Variants in SBK1 observed in about 807,000 individuals in gnomAD.
SBK1 encodes the protein SH3 domain binding kinase 1.
SBK1 carries 11 observed loss-of-function variants against 24.4 expected under a neutral mutation model. The ratio of observed to expected loss-of-function variants is 0.45; its 90% confidence interval spans 0.28 to 0.75. The LOEUF (loss-of-function observed/expected upper bound fraction) is 0.75. Among genes scored for constraint, SBK1 ranks in the 30% least tolerant of loss-of-function variants. The pLI, the probability that SBK1 is intolerant of heterozygous loss-of-function variation, is 0.12. For missense variants in SBK1, 467 were observed against 620.5 expected, an observed-to-expected ratio of 0.75 and a Z score of 2.63; for synonymous variants, 308 against 284.4, an observed-to-expected ratio of 1.08 and a Z score of -0.83.
At chr16:28,277,905 G>A (rs557712716) in intron 1 of SBK1, among the ~76,000 whole-genome samples, 1 of 152,362 alleles carries the variant, frequency 6.6e-6, no homozygotes, top group East Asian at 1.9e-4. Flanking sequence ...GGACCGGCCG[G>A]CAAGCGGCGG....
rs543694456 is a variant in SBK1 at position 28,268,750 on chromosome 16, G to A, written c.257+9248G>A. On this transcript the variant is annotated intron_variant, in intron 1 of 3. Coordinates refer to the SBK1 transcript ENST00000671413. ...TGCACTCCAGTCTGGGTGACAGAGC[G>A]AGACTCTGTCTCGAAAAAAAAAGAA... Among the ~76,000 whole-genome samples the A allele has an allele frequency of 5.9e-5, 9 of 151,936 alleles. No homozygotes were observed. In the East Asian group the frequency reaches 1.2e-3, roughly 20 times the overall value.
chr16:28,277,019 G>A (rs1019091495), intron 1 of SBK1, among the ~76,000 whole-genome samples: 12 of 152,068 alleles, frequency 7.9e-5, no homozygotes, highest in African/African-American at 2.7e-4. Flanking sequence ...GAGGATAGAA[G>A]GGCAGAGCAG....
chr16:28,284,248 C>T (rs938267401), intron 1 of SBK1, among the ~76,000 whole-genome samples: 1 of 152,234 alleles, frequency 6.6e-6, no homozygotes, highest in Non-Finnish European at 1.5e-5. Context: ...TCATTAAAGC[C>T]AGCCCCCTAG....
intron 1 of SBK1, among the ~76,000 whole-genome samples, chr16:28,272,205 G>A (rs2141562186): frequency 6.6e-6 from 1 of 152,178 alleles, no homozygotes; most frequent in African/African-American, 2.4e-5. Flanking sequence ...GAGTAGCTGG[G>A]ACTACAGATG....
At position 28,322,455 on chromosome 16, in the gene SBK1, C is replaced by T. The variant is rs1390510373; in HGVS notation, c.*1534C>T. 1.3e-5 allele frequency: 2 copies of T among 152,842 alleles called. No individual in the cohort carries two copies. Among genetic ancestry groups the T allele is most frequent in the Admixed American group, 6.5e-5 (1 of 15,292 alleles). 9.5% of individuals were successfully genotyped at this position (152,842 alleles called of 1,614,324 possible). A position where few individuals can be genotyped will look rare whatever the true frequency, so the allele number is the denominator to read the frequency against. ...CAGGGTCCCTCCTGGGGTTCTGGGCCATTTGAGGGGCTCTTTGATGGGCCA... is the reference window on the plus strand; with the variant it reads ...CAGGGTCCCTCCTGGGGTTCTGGGCTATTTGAGGGGCTCTTTGATGGGCCA... On this transcript the variant is annotated 3_prime_UTR_variant, in exon 4 of 4. Coordinates refer to ENST00000341901, the MANE Select transcript of SBK1 (RefSeq NM_001024401.3).
intron 1 of SBK1, among the ~76,000 whole-genome samples, chr16:28,294,557 T>C (rs2044625696): frequency 6.6e-6 from 1 of 152,238 alleles, no homozygotes; most frequent in South Asian, 2.1e-4. Context: ...TGATGTCTCC[T>C]GATCATCAGA....
intron 1 of SBK1, among the ~76,000 whole-genome samples, chr16:28,296,136 C>A (rs2044638520): frequency 6.7e-6 from 1 of 150,248 alleles, no homozygotes; most frequent in African/African-American, 2.5e-5. Flanking sequence ...GCTCTGTTGC[C>A]CAGGCTGAAG....
At chr16:28,266,179 C>T (rs1031563244) in intron 1 of SBK1, among the ~76,000 whole-genome samples, 2 of 151,886 alleles carry the variant, frequency 1.3e-5, no homozygotes, top group African/African-American at 4.8e-5. Flanking sequence ...TCAAGACCAC[C>T]CTGGGCAAGA....
upstream of SBK1, chr16:28,291,966 C>CATGGATGG (rs140535903): frequency 1.4e-4 from 22 of 152,078 alleles, no homozygotes; most frequent in African/African-American, 4.6e-4. Flanking sequence ...AAATAGGATG[C>CATGGATGG]ATGGATGGAT....
intron 1 of SBK1, among the ~76,000 whole-genome samples, chr16:28,309,304 A>G (rs1596551724): frequency 6.6e-6 from 1 of 152,186 alleles, no homozygotes; most frequent in South Asian, 2.1e-4. Context: ...AGCCAGTCAC[A>G]TGGCTGGCCT....
At chr16:28,261,315 C>T (rs557191992) in intron 1 of SBK1, among the ~76,000 whole-genome samples, 4 of 152,236 alleles carry the variant, frequency 2.6e-5, no homozygotes, top group East Asian at 1.9e-4. Flanking sequence ...GGGCATCAGG[C>T]GGGGTGTGGT....
At chr16:28,312,625 G>A (rs1163464293) in intron 1 of SBK1, among the ~76,000 whole-genome samples, 1 of 152,240 alleles carries the variant, frequency 6.6e-6, no homozygotes, top group African/African-American at 2.4e-5. Context: ...ACTGTGGAAT[G>A]AGCGAGGCCA....
intron 1 of SBK1, among the ~76,000 whole-genome samples, chr16:28,315,963 G>A (rs886831216): frequency 3.9e-5 from 6 of 151,968 alleles, no homozygotes; most frequent in Non-Finnish European, 5.9e-5. Context: ...ACAGGGTTCC[G>A]CCACATTGAC....
chr16:28,293,291 C>T lies in SBK1; in HGVS notation c.-17C>T, dbSNP rs1266716047. On this transcript the variant is annotated 5_prime_UTR_variant, in exon 1 of 4. Coordinates refer to ENST00000341901, the MANE Select transcript of SBK1 (RefSeq NM_001024401.3). ...CCCCCTGCCGCGGCGTCCCCGCGGC[C>T]CCAGCCCAGGTAAGCCGGGCCCAGG... 6 of 985,404 alleles carry T rather than the reference C, an allele frequency of 6.1e-6. No homozygotes were observed. The highest frequency in any genetic ancestry group is 7.2e-6 in the Non-Finnish European group (6 of 829,894). 61.0% of individuals were successfully genotyped at this position (985,404 alleles called of 1,614,324 possible).
intron 1 of SBK1, among the ~76,000 whole-genome samples, chr16:28,308,777 G>T (rs964906855): frequency 2.7e-5 from 4 of 146,928 alleles, no homozygotes; most frequent in Non-Finnish European, 4.5e-5. Context: ...GTGTGTGTGT[G>T]TGTTTGTTTT....
Position 28,320,904 on chromosome 16 carries a change from A to C in SBK1, c.1258A>C (p.Ile420Leu), listed in dbSNP as rs1353591871. 6.7e-7 allele frequency: 1 copy of C among 1,490,132 alleles called. No homozygotes were observed. The highest frequency in any genetic ancestry group is 8.9e-7 in the Non-Finnish European group (1 of 1,124,746). 92.3% of individuals were successfully genotyped at this position (1,490,132 alleles called of 1,614,324 possible). Residue 420 changes from isoleucine to leucine, a missense_variant, in exon 4 of 4, where the codon ATC becomes CTC. By Grantham distance (5) the Ile-to-Leu change is conservative. Transcript: ENST00000341901. This position sits in a 1 kb window ranked among gnomAD's most constrained non-coding sequence, Gnocchi z 8.5. Reference protein sequence around the residue: ...SKGQVVLATAIEICV With the variant: ...SKGQVVLATALEICV ...AGGGCAGGTGGTGCTGGCCACGGCC[A>C]TCGAGATCTGCGTCTGAGTCGCCTC...
In SBK1 at chr16:28,259,376, G is replaced by C. The variant is rs1447266924; in HGVS notation, c.131G>C (p.Cys44Ser). The change falls in exon 1 of 4, where the codon TGC becomes TCC. Residue 44 changes from cysteine (C) to serine (S), a missense_variant. By Grantham distance (112) the Cys-to-Ser change is moderately radical. Transcript: ENST00000671413. The surrounding 1 kb of genome is among the most constrained non-coding windows in gnomAD (Gnocchi z 6.0). ...GCGGAGGCCACCCCTGGCCACCCCT[G>C]CCCTGTCCTGGAGCTGCCTCCGGCC... 1.1e-6 allele frequency: 1 copy of C among 916,248 alleles called. No homozygotes were observed. The highest frequency in any genetic ancestry group is 6.2e-5 in the Admixed American group (1 of 16,188). 56.8% of individuals were successfully genotyped at this position (916,248 alleles called of 1,614,324 possible). A position where few individuals can be genotyped will look rare whatever the true frequency, so the allele number is the denominator to read the frequency against.
upstream of SBK1, among the ~76,000 whole-genome samples, chr16:28,288,563 T>C (rs1356882544): frequency 2.0e-5 from 3 of 152,268 alleles, no homozygotes; most frequent in Non-Finnish European, 4.4e-5. Context: ...CTATCCATTC[T>C]AAATTATCCA....
intron 1 of SBK1, among the ~76,000 whole-genome samples, chr16:28,260,158 T>C (rs1185365993): frequency 6.6e-6 from 1 of 151,688 alleles, no homozygotes; most frequent in East Asian, 1.9e-4. Flanking sequence ...CGTGACTGGG[T>C]ATTGGGGGTG....
Sources: gnomAD v4.1 joint callset for allele counts (sites outside exome capture counted in the v4.1 genomes callset) on GRCh38, gnomAD v4.1.1 for gene constraint, Gnocchi (gnomAD v3.1) non-coding constraint, MANE v1.5 for transcripts, NCBI Gene and HGNC (gene_info 2026-07-23, HGNC 2026-07-21) for gene names.